The following FAT1 variants were observed in gnomAD, a reference collection of about 807,000 sequenced individuals.
FAT1 encodes FAT atypical cadherin 1.
In FAT1, 171 loss-of-function variants were observed where a neutral mutation model predicts 329.8. That is an observed-to-expected ratio of 0.52 (90% CI 0.46 to 0.59). The LOEUF (loss-of-function observed/expected upper bound fraction) is 0.59. Among genes scored for constraint, FAT1 ranks in the 20% least tolerant of loss-of-function variants. The probability of loss-of-function intolerance (pLI) is 0.00; values close to 1 mark genes in which losing one functional copy is unlikely to be tolerated. For synonymous variants in FAT1, 2,233 were observed against 2,228.6 expected (o/e 1.00, Z -0.06); for missense variants, 5,672 against 5,774.4 (o/e 0.98, Z 0.57).
chr4:186,722,079 C>G (rs2126725204), intron 1 of FAT1, among the ~76,000 whole-genome samples: 1 of 152,284 alleles, frequency 6.6e-6, no homozygotes, highest in South Asian at 2.1e-4. Flanking sequence ...CTCCGGTGAT[C>G]CGCCCGCCTC....
chr4:186,611,946 C>G (rs1739468101), intron 13 of FAT1, among the ~76,000 whole-genome samples, 171 bp from the exon 14 acceptor site: 1 of 151,626 alleles, frequency 6.6e-6, no homozygotes. Flanking sequence ...GCCTCAGCCT[C>G]CCGAGTGGCT....
rs188190037 is a variant in FAT1 at position 186,663,456 on chromosome 4, C to G, written c.3423G>C (p.Glu1141Asp). 216 of 1,613,998 alleles carry G rather than the reference C, an allele frequency of 1.3e-4. 1 individual carries two copies. In the East Asian group the frequency reaches 4.6e-3, roughly 34 times the overall value. Residue 1141 changes from glutamate to aspartate, a missense_variant, in exon 3 of 27, where the codon GAG becomes GAC. By Grantham distance (45) the Glu-to-Asp change is conservative. Transcript: ENST00000441802. ...DVNDNAPQTS[E>D]PVYYPEIMEN... ...CCATGATTTCTGGGTAATAAACAGGCTCTGATGTCTGTGGTGCATTGTCAT... is the reference window on the plus strand; with the variant it reads ...CCATGATTTCTGGGTAATAAACAGGGTCTGATGTCTGTGGTGCATTGTCAT...
At position 186,707,374 on chromosome 4, in the gene FAT1, A is replaced by T; in HGVS notation, c.2454T>A (p.Asn818Lys). 1 of 1,613,968 alleles carries T rather than the reference A, an allele frequency of 6.2e-7. No individual in the cohort carries two copies. The highest frequency in any genetic ancestry group is 1.3e-5 in the African/African-American group (1 of 75,036). ...AGCTCTCCTGTAAAAACTCGGGTGG[A>T]TTATCATTGGCATCGACAACCACGA... Reference protein sequence around the residue: ...LHVVVVDANDNPPEFLQESYF... With the variant: ...LHVVVVDANDKPPEFLQESYF... The change falls in exon 2 of 27, where the codon AAT becomes AAA. Residue 818 changes from asparagine (N) to lysine (K), a missense_variant. Physicochemically the swap from Asn to Lys is moderately conservative, Grantham distance 94. Coordinates refer to ENST00000441802, the MANE Select transcript of FAT1 (RefSeq NM_005245.4).
At chr4:186,673,536 A>G (rs1371374100) in intron 2 of FAT1, among the ~76,000 whole-genome samples, 1 of 152,258 alleles carries the variant, frequency 6.6e-6, no homozygotes, top group African/African-American at 2.4e-5. Flanking sequence ...TGAGATCATA[A>G]GTCAATGACA....
At chr4:186,654,725 C>T (rs1741822667) in intron 3 of FAT1, among the ~76,000 whole-genome samples, 1 of 152,004 alleles carries the variant, frequency 6.6e-6, no homozygotes, top group Non-Finnish European at 1.5e-5. Context: ...GCCTGAGCAA[C>T]ACGGTGAGAC....
At chr4:186,628,853 G>T (rs1161684388) in intron 7 of FAT1, 90 bp from the exon 8 acceptor site, 24 of 1,266,806 alleles carry the variant, frequency 1.9e-5, no homozygotes, top group Non-Finnish European at 2.6e-5. Flanking sequence ...CATGTATATT[G>T]AAACGATACT....
intron 9 of FAT1, among the ~76,000 whole-genome samples, chr4:186,625,838 CT>C (rs2126536215): frequency 6.6e-6 from 1 of 152,352 alleles, no homozygotes; most frequent in South Asian, 2.1e-4. Flanking sequence ...CGGGGTGGAA[CT>C]TTTACAAGAC....
chr4:186,640,487 A>G (rs1055463077), intron 3 of FAT1, among the ~76,000 whole-genome samples: 10 of 152,228 alleles, frequency 6.6e-5, no homozygotes. Context: ...AATGACTTCT[A>G]TAACTATATT....
In FAT1 at chr4:186,707,057, G is replaced by A. The variant is rs1219937805; in HGVS notation, c.2771C>T (p.Pro924Leu). ...ATAATTAGGTGGAATAAATGTAGGTGGGTTGTCATTAACATCTTCTAGTGA... is the reference window on the plus strand; with the variant it reads ...ATAATTAGGTGGAATAAATGTAGGTAGGTTGTCATTAACATCTTCTAGTGA... ...KVSLEDVNDN[P>L]PTFIPPNYRV... is the part of the protein sequence containing the mutation. The change falls in exon 2 of 27, where the codon CCA becomes CTA. Residue 924 changes from proline to leucine, a missense_variant. By Grantham distance (98) the Pro-to-Leu change is moderately conservative (BLOSUM62 -3). Around this residue, in one of 2 missense-constraint regions of FAT1, gnomAD observed 3,966 missense variants for 3,915.2 expected, o/e 1.01. Coordinates refer to ENST00000441802, the MANE Select transcript of FAT1 (RefSeq NM_005245.4). The A allele has an allele frequency of 6.2e-7, 1 of 1,613,824 alleles. No homozygotes were observed. The highest frequency in any genetic ancestry group is 8.5e-7 in the Non-Finnish European group (1 of 1,179,894).
chr4:186,663,003 A>G (rs1742254590), intron 3 of FAT1, among the ~76,000 whole-genome samples: 1 of 151,952 alleles, frequency 6.6e-6, no homozygotes, highest in Admixed American at 6.5e-5. Flanking sequence ...CGCCCAGCTA[A>G]TTTTTTGTAC....
intron 3 of FAT1, among the ~76,000 whole-genome samples, chr4:186,654,021 G>C (rs1741789088): frequency 6.6e-6 from 1 of 152,172 alleles, no homozygotes; most frequent in African/African-American, 2.4e-5. Context: ...TCAATGCAAA[G>C]AGTAGATAAG....
intron 2 of FAT1, among the ~76,000 whole-genome samples, chr4:186,673,337 C>A (rs915289191): frequency 6.6e-6 from 1 of 152,208 alleles, no homozygotes; most frequent in Non-Finnish European, 1.5e-5. Context: ...ATGTACAGAA[C>A]CTCCCTGTTT....
At chr4:186,594,571 C>T (rs549599071) in intron 26 of FAT1, among the ~76,000 whole-genome samples, 1 of 148,812 alleles carries the variant, frequency 6.7e-6, no homozygotes, top group South Asian at 2.1e-4. Context: ...TGTCCATACA[C>T]CCTATTCCTA....
rs2126518392 is a variant in FAT1, at chr4:186,620,718, A to G, written c.5868T>C (p.Asp1956=). ...SRYELTVRAS[D]GRFAGLTSVK... ...CAGAGGTAAGGCCGGCAAATCTGCC[A>G]TCGGAAGCTCTAACGGTTAGCTCGT... The change falls in exon 10 of 27, where the codon GAT becomes GAC. Residue 1956 remains aspartate (D), a synonymous_variant. Transcript: ENST00000441802. The G allele has an allele frequency of 1.2e-6, 2 of 1,614,040 alleles. No individual in the cohort carries two copies. The highest frequency in any genetic ancestry group is 1.1e-5 in the South Asian group (1 of 91,092).
chr4:186,648,675 TACCAAGGAAAGTGTTC>T (rs948766714), intron 3 of FAT1, among the ~76,000 whole-genome samples: 1 of 152,202 alleles, frequency 6.6e-6, no homozygotes, highest in Non-Finnish European at 1.5e-5. Context: ...GAAACTTTCC[TACCAAGGAAAGTGTTC>T]AGAAGGCTCT....
At chr4:186,718,669 AAAAAT>A (rs889945336) in intron 1 of FAT1, among the ~76,000 whole-genome samples, 6 of 152,146 alleles carry the variant, frequency 3.9e-5, no homozygotes, top group African/African-American at 1.4e-4. Context: ...TCCGTCTCAA[AAAAAT>A]AAAATAAAAT....
rs2126616878 is a variant in FAT1, at chr4:186,663,359, G to A, written c.3520C>T (p.Leu1174Phe). Residue 1174 changes from leucine (L) to phenylalanine (F), a missense_variant, in exon 3 of 27, where the codon CTC becomes TTC. By Grantham distance (22) the Leu-to-Phe change is conservative (BLOSUM62 0). Transcript: ENST00000441802. ...FDPDSSSNDK[L>F]MYKITSGNPQ... ...TTTCCACTTGTAATTTTGTACATGA[G>A]CTTGTCATTAGAGCTCGAATCTGGA... The A allele has an allele frequency of 6.2e-7, 1 of 1,613,968 alleles. No homozygotes were observed. Among genetic ancestry groups the A allele is most frequent in the Non-Finnish European group, 8.5e-7 (1 of 1,179,880 alleles).
In FAT1 at chr4:186,620,938, A is replaced by G. The variant is rs1250665947; in HGVS notation, c.5648T>C (p.Leu1883Ser). The change falls in exon 10 of 27, where the codon TTA becomes TCA. Residue 1883 changes from leucine to serine, a missense_variant. Transcript: ENST00000441802. ...TGGTAACAAAAGAGATGCTTCATAT[A>G]ATGGCTTGGCAAACACAGGGGGGCA... ...NDCPPVFAKP[L>S]YEASLLLPTY... 3.1e-6 allele frequency: 5 copies of G among 1,614,004 alleles called. No individual in the cohort carries two copies. In the East Asian group the frequency reaches 1.1e-4, roughly 36 times the overall value.
intron 9 of FAT1, among the ~76,000 whole-genome samples, chr4:186,625,153 G>T (rs1399643704): frequency 4.6e-5 from 7 of 152,198 alleles, no homozygotes; most frequent in Non-Finnish European, 1.0e-4. Flanking sequence ...TGACAATTAT[G>T]TGAAAGCTAA....
Sources: allele counts gnomAD v4.1 joint callset (sites outside exome capture counted in the v4.1 genomes callset), GRCh38; gene constraint gnomAD v4.1.1; regional missense constraint gnomAD v4.1.1; transcripts MANE v1.5; gene names NCBI Gene and HGNC (gene_info 2026-07-23, HGNC 2026-07-21).